LHFPL3: variants seen among roughly 807,000 people sequenced by gnomAD.
The protein encoded by LHFPL3 is LHFPL tetraspan subfamily member 3 protein.
Under a neutral mutation model 19.3 loss-of-function variants are expected in LHFPL3, and 5 were observed. That is an observed-to-expected ratio of 0.26 (90% CI 0.14 to 0.54). LHFPL3 has a LOEUF of 0.54. Ranked by LOEUF, LHFPL3 falls within the 20% of genes least tolerant of loss-of-function variation. LHFPL3 has a pLI of 0.94. For missense variants in LHFPL3, 249 were observed against 307.4 expected (o/e 0.81, Z 1.42); for synonymous variants, 133 against 126.2 (o/e 1.05, Z -0.36).
intron 1 of LHFPL3, among the ~76,000 whole-genome samples, chr7:104,532,316 G>GT (rs1562927584): frequency 1.6e-4 from 10 of 63,300 alleles, no homozygotes; most frequent in African/African-American, 2.2e-4. Context: ...TTTTCTTTCT[G>GT]TCTTTTTTTT....
intron 1 of LHFPL3, among the ~76,000 whole-genome samples, chr7:104,496,244 T>G (rs916316422): frequency 5.9e-5 from 9 of 152,340 alleles, no homozygotes; most frequent in East Asian, 1.9e-4. Flanking sequence ...CTTGCGATAG[T>G]TTGCTGAGAA....
chr7:104,557,401 G>A (rs1789868736), intron 1 of LHFPL3, among the ~76,000 whole-genome samples: 2 of 152,202 alleles, frequency 1.3e-5, no homozygotes, highest in Admixed American at 1.3e-4. Flanking sequence ...GAGAGAGATT[G>A]TGCAAGGAAA....
intron 1 of LHFPL3, among the ~76,000 whole-genome samples, chr7:104,382,067 A>G (rs1246039767): frequency 6.6e-6 from 1 of 152,104 alleles, no homozygotes; most frequent in Non-Finnish European, 1.5e-5. Context: ...TTACCTCCCC[A>G]TATAATCACT....
intron 1 of LHFPL3, among the ~76,000 whole-genome samples, chr7:104,384,787 C>CAAAAAAA (rs771136918): frequency 5.2e-4 from 39 of 74,372 alleles, no homozygotes; most frequent in South Asian, 1.0e-3. Flanking sequence ...AACTCTATTT[C>CAAAAAAA]AAAAAAAAAA....
intron 1 of LHFPL3, among the ~76,000 whole-genome samples, chr7:104,504,150 G>T (rs938121949): frequency 6.6e-6 from 1 of 151,926 alleles, no homozygotes; most frequent in Non-Finnish European, 1.5e-5. Context: ...ACCTCTGAAC[G>T]CTCTCTACTT....
chr7:104,756,304 T>A (rs1181243212), intron 2 of LHFPL3, among the ~76,000 whole-genome samples: 1 of 152,192 alleles, frequency 6.6e-6, no homozygotes, highest in African/African-American at 2.4e-5. Flanking sequence ...TATAGCCTAA[T>A]GTTGATGTTC....
chr7:104,422,653 T>C (rs1727770327), intron 1 of LHFPL3, among the ~76,000 whole-genome samples: 1 of 152,230 alleles, frequency 6.6e-6, no homozygotes, highest in East Asian at 1.9e-4. Context: ...CAAGTTACTT[T>C]ATCTCTCTGA....
chr7:104,831,308 G>T lies in LHFPL3; in HGVS notation c.683-74879G>T, dbSNP rs560122757. ...TTAAAATGAGTTCTTGCAGTTCTTT[G>T]TTCCCCTAATTGCTGGAAAATTCAA... On this transcript the variant is annotated intron_variant, in intron 2 of 2. Transcript: ENST00000424859. Among the ~76,000 whole-genome samples the T allele has an allele frequency of 2.0e-5, 3 of 152,012 alleles. No homozygotes were observed. The South Asian group carries it at 6.2e-4, about 31-fold the overall frequency.
intron 1 of LHFPL3, among the ~76,000 whole-genome samples, chr7:104,387,892 C>T (rs1790981505): frequency 2.0e-5 from 3 of 152,222 alleles, no homozygotes; most frequent in Admixed American, 6.5e-5. Context: ...CATCACCCAG[C>T]TAATAAGCAT....
chr7:104,519,957 AAT>A (rs1246167865), intron 1 of LHFPL3, among the ~76,000 whole-genome samples: 1 of 151,900 alleles, frequency 6.6e-6, no homozygotes, highest in East Asian at 1.9e-4. Context: ...AGTCTTGGTG[AAT>A]GTTAAGTTAT....
intron 1 of LHFPL3, among the ~76,000 whole-genome samples, chr7:104,541,103 G>GACACACAC (rs58831498): frequency 0.024 from 3,271 of 134,560 alleles, 78 homozygotes; most frequent in Middle Eastern, 0.034. Flanking sequence ...TCCTCCCCAT[G>GACACACAC]ACACACACAC....
rs1364009379 is a variant in LHFPL3, at chr7:104,522,393, G to A, written c.445+193169G>A. Among the ~76,000 whole-genome samples, 10 of 77,966 alleles carry A rather than the reference G, an allele frequency of 1.3e-4. 1 individual carries two copies. Among genetic ancestry groups the A allele is most frequent in the Non-Finnish European group, 2.5e-4 (9 of 36,434 alleles). The allele number at this position is 77,966 out of a possible 152,430, so 51.1% of individuals were successfully genotyped here. Reference sequence around the variant, plus strand: ...CACACTCTGGGGACTGTTGTGGGGTGGGGGGAGGGGGGAGGGATGGATTGG... The same window carrying A: ...CACACTCTGGGGACTGTTGTGGGGTAGGGGGAGGGGGGAGGGATGGATTGG... On this transcript the variant is annotated intron_variant, in intron 1 of 2. Transcript: ENST00000424859.
intron 1 of LHFPL3, among the ~76,000 whole-genome samples, chr7:104,428,541 A>G (rs529798386): frequency 4.2e-4 from 64 of 151,398 alleles, no homozygotes; most frequent in African/African-American, 1.5e-3. Context: ...CTTGATGTTG[A>G]ACCTAGAATT....
At chr7:104,609,509 G>C (rs557813938) in intron 1 of LHFPL3, among the ~76,000 whole-genome samples, 1 of 152,234 alleles carries the variant, frequency 6.6e-6, no homozygotes, top group Non-Finnish European at 1.5e-5. Context: ...AGCACAATAA[G>C]AGGGCTCAGC....
chr7:104,509,190 T>A (rs796299458), intron 1 of LHFPL3, among the ~76,000 whole-genome samples: 4 of 152,008 alleles, frequency 2.6e-5, no homozygotes, highest in African/African-American at 9.6e-5. Context: ...GAGGGAACGC[T>A]TCCTGATTTA....
At chr7:104,607,826 G>T (rs1157781717) in intron 1 of LHFPL3, among the ~76,000 whole-genome samples, 13 of 152,028 alleles carry the variant, frequency 8.6e-5, no homozygotes, top group Non-Finnish European at 1.3e-4. Flanking sequence ...ATTAACAAGT[G>T]GGCAAAAGAT....
chr7:104,351,487 C>T (rs1487674460), intron 1 of LHFPL3, among the ~76,000 whole-genome samples: 4 of 152,124 alleles, frequency 2.6e-5, no homozygotes, highest in Non-Finnish European at 5.9e-5. Context: ...TTCATGGGCT[C>T]CTTCCTCCAA....
At chr7:104,365,787 CAAAAAAAA>C (rs571171040) in intron 1 of LHFPL3, among the ~76,000 whole-genome samples, 1 of 49,974 alleles carries the variant, frequency 2.0e-5, no homozygotes, top group African/African-American at 8.2e-5. Context: ...GACTCCGTCT[CAAAAAAAA>C]AAAAAAAAAA....
At chr7:104,667,724 A>G in intron 1 of LHFPL3, 1 of 1,502,032 alleles carries the variant, frequency 6.7e-7, no homozygotes, top group Non-Finnish European at 9.1e-7. Flanking sequence ...AAAGAAATAC[A>G]AGGAAAAGCT....
Sources: allele counts gnomAD v4.1 joint callset (sites outside exome capture counted in the v4.1 genomes callset), GRCh38; gene constraint gnomAD v4.1.1; transcripts MANE v1.5; gene names NCBI Gene and HGNC (gene_info 2026-07-23, HGNC 2026-07-21).